MEGF10: variants seen among roughly 807,000 people sequenced by gnomAD.
MEGF10 encodes the protein multiple epidermal growth factor-like domains protein 10.
A neutral mutation model predicts 147.5 loss-of-function variants in MEGF10; 86 were observed. The observed-to-expected ratio is 0.58, with a 90% confidence interval of 0.49 to 0.70. The LOEUF (loss-of-function observed/expected upper bound fraction) is 0.70. Among genes scored for constraint, MEGF10 ranks in the 30% least tolerant of loss-of-function variants. MEGF10 has a pLI of 0.00. For synonymous variants in MEGF10, 478 were observed against 525.5 expected, an observed-to-expected ratio of 0.91 and a Z score of 1.24; for missense variants, 1,329 against 1,487.3, an observed-to-expected ratio of 0.89 and a Z score of 1.75.
chr5:127,361,711 ATGT>A (rs1432458708), intron 4 of MEGF10, among the ~76,000 whole-genome samples: 2 of 152,100 alleles, frequency 1.3e-5, no homozygotes, highest in Non-Finnish European at 2.9e-5. Context: ...CAATTTTGAC[ATGT>A]TGTGATTTTG....
At chr5:127,337,591 G>T (rs1252734681) in intron 2 of MEGF10, among the ~76,000 whole-genome samples, 1 of 152,044 alleles carries the variant, frequency 6.6e-6, no homozygotes, top group Admixed American at 6.6e-5. Context: ...TTACCCAAAA[G>T]GGTTATATCA....
chr5:127,384,551 A>T (rs1161914458), intron 5 of MEGF10, among the ~76,000 whole-genome samples: 11 of 152,228 alleles, frequency 7.2e-5, no homozygotes, highest in Admixed American at 6.5e-4. Flanking sequence ...AGCACAATAG[A>T]GAATAAATAT....
At chr5:127,232,344 A>G in the MEGF10 span, among the ~76,000 whole-genome samples, 1 of 152,204 alleles carries the variant, frequency 6.6e-6, no homozygotes, top group Non-Finnish European at 1.5e-5. Context: ...CTTAAATTTT[A>G]CATAAGTAGC....
chr5:127,456,422 T>C (rs1410714063), intron 24 of MEGF10, among the ~76,000 whole-genome samples: 1 of 152,150 alleles, frequency 6.6e-6, no homozygotes, highest in East Asian at 1.9e-4. Context: ...TATATTTTCA[T>C]TTCTCTCTCT....
chr5:127,327,999 G>A (rs929834664), intron 1 of MEGF10, among the ~76,000 whole-genome samples: 2 of 152,148 alleles, frequency 1.3e-5, no homozygotes, highest in Admixed American at 6.5e-5. Context: ...TTACAGGAGT[G>A]AGCCACCACG....
At chr5:127,251,059 T>C in the MEGF10 span, among the ~76,000 whole-genome samples, 5 of 152,170 alleles carry the variant, frequency 3.3e-5, no homozygotes, top group East Asian at 9.6e-4. Flanking sequence ...AATTTAGAAA[T>C]GTAATGCAAT....
chr5:127,299,873 G>A (rs188963993), intron 1 of MEGF10: 4 of 152,168 alleles, frequency 2.6e-5, no homozygotes, highest in East Asian at 1.9e-4. Flanking sequence ...GTGTTCCCTG[G>A]CCAGTAGGAA....
At chr5:127,455,826 A>G (rs1766343353) in intron 24 of MEGF10, among the ~76,000 whole-genome samples, 1 of 151,704 alleles carries the variant, frequency 6.6e-6, no homozygotes, top group Non-Finnish European at 1.5e-5. Flanking sequence ...TGCAACCTCT[A>G]CCTCCCGGGC....
At chr5:127,438,201 C>T (rs1002506412) in intron 16 of MEGF10, among the ~76,000 whole-genome samples, 1 of 152,092 alleles carries the variant, frequency 6.6e-6, no homozygotes, top group Non-Finnish European at 1.5e-5. Context: ...GTGATTTTTG[C>T]CCCAGCCACC....
chr5:127,413,000 A>T (rs945463534), intron 9 of MEGF10, among the ~76,000 whole-genome samples: 1 of 152,012 alleles, frequency 6.6e-6, no homozygotes, highest in Non-Finnish European at 1.5e-5. Context: ...CCCAACATAC[A>T]CTTTTTAAGC....
chr5:127,398,832 A>G (rs759031371), intron 7 of MEGF10, 36 bp downstream of exon 7: 2 of 1,612,472 alleles, frequency 1.2e-6, no homozygotes, highest in South Asian at 1.1e-5. Context: ...CCCCTGCCCC[A>G]AAGTCACCCA....
At chr5:127,364,847 C>T (rs1023665287) in intron 4 of MEGF10, among the ~76,000 whole-genome samples, 1 of 152,178 alleles carries the variant, frequency 6.6e-6, no homozygotes, top group African/African-American at 2.4e-5. Context: ...TTCACCCCTA[C>T]TCCCTCTCAC....
At chr5:127,331,068 T>C (rs557631736) in intron 1 of MEGF10, among the ~76,000 whole-genome samples, 1 of 152,342 alleles carries the variant, frequency 6.6e-6, no homozygotes, top group African/African-American at 2.4e-5. Flanking sequence ...GATGATGATT[T>C]GCATATTTTA....
intron 17 of MEGF10, among the ~76,000 whole-genome samples, chr5:127,440,054 G>A (rs1327988344): frequency 6.6e-6 from 1 of 152,208 alleles, no homozygotes; most frequent in Non-Finnish European, 1.5e-5. Context: ...TCACGCCAGA[G>A]ATCCCCAAGA....
At chr5:127,414,000 A>G (rs1764666513) in intron 9 of MEGF10, among the ~76,000 whole-genome samples, 1 of 152,252 alleles carries the variant, frequency 6.6e-6, no homozygotes, top group Non-Finnish European at 1.5e-5. Context: ...TCTACCAAAA[A>G]TATCATTTGT....
intron 4 of MEGF10, among the ~76,000 whole-genome samples, chr5:127,362,331 G>GTT (rs35156178): frequency 0.018 from 2,465 of 134,280 alleles, 40 homozygotes; most frequent in Admixed American, 0.032. Context: ...CGTTAGTATG[G>GTT]TTTTTTTTTT....
chr5:127,304,617 C>G (rs868654266), intron 1 of MEGF10, among the ~76,000 whole-genome samples: 6 of 152,338 alleles, frequency 3.9e-5, no homozygotes, highest in Middle Eastern at 3.4e-3. Context: ...CCTCAGCCTC[C>G]CAGGTAGCTG....
chr5:127,268,548 C>A, the MEGF10 span, among the ~76,000 whole-genome samples: 7,616 of 152,098 alleles, frequency 0.05, 318 homozygotes, highest in African/African-American at 0.11. Flanking sequence ...GGGAGGGGCG[C>A]CCACCGTTGG....
intron 8 of MEGF10, 59 bp from the exon 9 acceptor site, chr5:127,410,330 G>A (rs1764505209): frequency 1.3e-6 from 2 of 1,527,968 alleles, no homozygotes; most frequent in Non-Finnish European, 1.8e-6. Context: ...CAAATTAACT[G>A]TTTATTTTCA....
Sources: gnomAD v4.1 joint callset for allele counts (sites outside exome capture counted in the v4.1 genomes callset) on GRCh38, gnomAD v4.1.1 for gene constraint, MANE v1.5 for transcripts, NCBI Gene and HGNC (gene_info 2026-07-23, HGNC 2026-07-21) for gene names.